Variants in ADD1 observed in about 807,000 individuals in gnomAD.
The protein encoded by ADD1 is adducin 1, also known as alpha-adducin.
ADD1 carries 24 observed loss-of-function variants against 80.5 expected under a neutral mutation model. The observed-to-expected ratio is 0.30, with a 90% CI of 0.22 to 0.42. ADD1 has a LOEUF of 0.42. Among genes scored for constraint, ADD1 ranks in the 10% least tolerant of loss-of-function variants. ADD1 has a pLI of 1.00. For synonymous variants in ADD1, 373 were observed against 393.8 expected (o/e 0.95, Z 0.63); for missense variants, 948 against 1,019.0 (o/e 0.93, Z 0.95).
intron 3 of ADD1, 54 bp downstream of exon 3, chr4:2,882,114 C>A: frequency 6.8e-7 from 1 of 1,481,392 alleles, no homozygotes; most frequent in Non-Finnish European, 9.0e-7. Flanking sequence ...GTAAAATTTC[C>A]TGAAGATTGC....
At chr4:2,924,977 T>C (rs1740727175) in intron 14 of ADD1, among the ~76,000 whole-genome samples, 1 of 152,180 alleles carries the variant, frequency 6.6e-6, no homozygotes, top group African/African-American at 2.4e-5. Flanking sequence ...CCCCCCGATG[T>C]GTGAGGCTCC....
At chr4:2,913,044 C>T (rs572900875) in intron 13 of ADD1, among the ~76,000 whole-genome samples, 39 of 152,064 alleles carry the variant, frequency 2.6e-4, no homozygotes, top group Non-Finnish European at 3.5e-4. Context: ...GACAGGTTTT[C>T]GCTGTGTTGG....
intron 1 of ADD1, among the ~76,000 whole-genome samples, chr4:2,851,250 C>G (rs993761173): frequency 1.3e-5 from 2 of 152,172 alleles, no homozygotes; most frequent in African/African-American, 4.8e-5. Flanking sequence ...ATGTGTGGCC[C>G]TGGATCAAAA....
chr4:2,881,759 C>T (rs1732383900), intron 2 of ADD1, 139 bp from the exon 3 acceptor site: 1 of 560,364 alleles, frequency 1.8e-6, no homozygotes. Flanking sequence ...ATATTCTCAG[C>T]AGTAATGTGT....
intron 14 of ADD1, among the ~76,000 whole-genome samples, chr4:2,923,339 A>G (rs185591945): frequency 6.6e-6 from 1 of 152,310 alleles, no homozygotes; most frequent in East Asian, 1.9e-4. Flanking sequence ...TTGAGCTGGA[A>G]TGCACTGTTT....
At chr4:2,891,020 C>A (rs754033287) in intron 4 of ADD1, among the ~76,000 whole-genome samples, 7 of 151,996 alleles carry the variant, frequency 4.6e-5, no homozygotes, top group Non-Finnish European at 1.0e-4. Flanking sequence ...TGCAGTGACT[C>A]CCACCTGTAA....
chr4:2,892,449 C>T (rs780297811), intron 4 of ADD1, among the ~76,000 whole-genome samples: 3 of 152,082 alleles, frequency 2.0e-5, no homozygotes, highest in Non-Finnish European at 4.4e-5. Context: ...ACCAAATCTG[C>T]ATTGAATTAA....
At chr4:2,898,789 G>GTATAGGCC (rs1735685923) in intron 8 of ADD1, 4 of 488,518 alleles carry the variant, frequency 8.2e-6, no homozygotes, top group Non-Finnish European at 1.5e-5. Flanking sequence ...GAGTACTGGT[G>GTATAGGCC]TGTATAGGCC....
At chr4:2,884,408 C>G (rs1577556314) in intron 3 of ADD1, 107 bp from the exon 4 acceptor site, 2 of 886,454 alleles carry the variant, frequency 2.3e-6, no homozygotes, top group Non-Finnish European at 3.3e-6. Context: ...GCACTACAGC[C>G]TCAAACTCAT....
intron 4 of ADD1, 54 bp from the exon 5 acceptor site, chr4:2,893,959 G>A: frequency 2.0e-6 from 3 of 1,503,222 alleles, no homozygotes; most frequent in Non-Finnish European, 2.8e-6. Context: ...GCCTGAAAGA[G>A]ATGCAAATAA....
chr4:2,913,291 T>G (rs987406898), intron 13 of ADD1, among the ~76,000 whole-genome samples: 2 of 152,248 alleles, frequency 1.3e-5, no homozygotes, highest in Admixed American at 6.5e-5. Context: ...CTGCTGTTGC[T>G]GGGATACCAT....
At chr4:2,903,063 T>C (rs1220526540) in intron 9 of ADD1, 3 of 151,420 alleles carry the variant, frequency 2.0e-5, no homozygotes, top group Admixed American at 6.6e-5. Context: ...AAAAAAAATA[T>C]TGAAAGAGTG....
intron 13 of ADD1, among the ~76,000 whole-genome samples, chr4:2,911,449 T>TATATATATATATATATATATATATATA (rs1553848841): frequency 1.1e-5 from 1 of 92,588 alleles, no homozygotes; most frequent in Non-Finnish European, 2.4e-5. Context: ...TATATATATA[T>TATATATATATATATATATATATATATA]TTTTTTTTTT....
chr4:2,910,780 G>T (rs914095288), intron 13 of ADD1, among the ~76,000 whole-genome samples: 3 of 152,158 alleles, frequency 2.0e-5, no homozygotes, highest in Non-Finnish European at 4.4e-5. Flanking sequence ...GGTAGGGTCC[G>T]TACCTTCTGA....
At chr4:2,863,077 C>T (rs1729036604) in intron 1 of ADD1, among the ~76,000 whole-genome samples, 1 of 152,052 alleles carries the variant, frequency 6.6e-6, no homozygotes, top group African/African-American at 2.4e-5. Flanking sequence ...TGAGACAGAG[C>T]TTCACTCTGT....
chr4:2,904,248 TAGC>T (rs943389144), intron 9 of ADD1, among the ~76,000 whole-genome samples: 49 of 152,234 alleles, frequency 3.2e-4, no homozygotes, highest in African/African-American at 1.1e-3. Flanking sequence ...AGAGCAACGG[TAGC>T]AGCACCTCAG....
At chr4:2,886,462 C>T (rs1394811368) in intron 4 of ADD1, among the ~76,000 whole-genome samples, 1 of 152,192 alleles carries the variant, frequency 6.6e-6, no homozygotes. Context: ...ATGTCATGCT[C>T]CTGTGTGCGG....
intron 1 of ADD1, among the ~76,000 whole-genome samples, chr4:2,859,994 T>A (rs1329371955): frequency 6.6e-6 from 1 of 151,980 alleles, no homozygotes; most frequent in Non-Finnish European, 1.5e-5. Flanking sequence ...TTTAATTAGA[T>A]TATAGAGTGT....
chr4:2,854,590 T>G (rs1727794265), intron 1 of ADD1, among the ~76,000 whole-genome samples: 1 of 152,238 alleles, frequency 6.6e-6, no homozygotes, highest in Admixed American at 6.5e-5. Context: ...CCTTATACTT[T>G]TCATCTTCCT....
Sources: allele counts gnomAD v4.1 joint callset (sites outside exome capture counted in the v4.1 genomes callset), GRCh38; gene constraint gnomAD v4.1.1; transcripts MANE v1.5; gene names NCBI Gene and HGNC (gene_info 2026-07-23, HGNC 2026-07-21).